The following USP14 variants were observed in gnomAD, a reference collection of about 807,000 sequenced individuals.
USP14 encodes ubiquitin specific peptidase 14.
A neutral mutation model predicts 76.5 loss-of-function variants in USP14; 38 were observed. The ratio of observed to expected loss-of-function variants is 0.50; its 90% CI spans 0.38 to 0.65. The LOEUF (loss-of-function observed/expected upper bound fraction) is 0.65, where lower values mean the gene tolerates loss of function less well. USP14 is among the 30% of genes least tolerant of loss of function. The probability of loss-of-function intolerance (pLI) is 0.00; values close to 1 mark genes in which losing one functional copy is unlikely to be tolerated. For synonymous variants in USP14, 192 were observed against 191.7 expected, an observed-to-expected ratio of 1.00 and a Z score of -0.01; for missense variants, 467 against 586.5, an observed-to-expected ratio of 0.80 and a Z score of 2.10.
intron 3 of USP14, among the ~76,000 whole-genome samples, chr18:178,073 G>A (rs1909677944): frequency 2.6e-5 from 4 of 152,148 alleles, no homozygotes; most frequent in African/African-American, 9.7e-5. Context: ...AGGCTGGAAT[G>A]CAAGTGGTGT....
intron 2 of USP14, 112 bp from the exon 3 acceptor site, chr18:166,675 C>A: frequency 2.4e-6 from 3 of 1,272,612 alleles, no homozygotes; most frequent in Non-Finnish European, 2.1e-6. Context: ...ATAAAATCTG[C>A]ATATAGGATA....
chr18:198,172 T>C (rs756081649), intron 9 of USP14, 40 bp downstream of exon 9: 8 of 1,495,074 alleles, frequency 5.4e-6, no homozygotes, highest in Non-Finnish European at 7.2e-6. Context: ...ACTCATACCT[T>C]ATTAGAATTG....
chr18:166,358 A>T (rs1260424673), intron 2 of USP14, among the ~76,000 whole-genome samples: 1 of 151,994 alleles, frequency 6.6e-6, no homozygotes, highest in Non-Finnish European at 1.5e-5. Flanking sequence ...TTTGAGATGG[A>T]GCCTTGTTCT....
intron 3 of USP14, among the ~76,000 whole-genome samples, chr18:169,285 T>C (rs990015634): frequency 3.4e-5 from 5 of 147,598 alleles, no homozygotes; most frequent in African/African-American, 1.3e-4. Context: ...TGCTTGACTT[T>C]GGGAGGCGGA....
chr18:159,290 T>C lies in USP14; in HGVS notation c.16+576T>C, dbSNP rs117584140. 7.2e-3 allele frequency among the ~76,000 whole-genome samples: 1,096 copies of C among 152,324 alleles called. 4 individuals are homozygous for C. Among genetic ancestry groups the C allele is most frequent in the South Asian group, 0.012 (60 of 4,822 alleles). On this transcript the variant is annotated intron_variant, in intron 1 of 15. Coordinates refer to ENST00000261601, the MANE Select transcript of USP14 (RefSeq NM_005151.4). Reference sequence around the variant, plus strand: ...CGTTTTCGTTTCATCAAACGTTGCATTGGATTTCTGTATCCGAAACGTGGT... The same window carrying C: ...CGTTTTCGTTTCATCAAACGTTGCACTGGATTTCTGTATCCGAAACGTGGT...
intron 1 of USP14, among the ~76,000 whole-genome samples, chr18:160,949 C>T (rs1430027440): frequency 6.6e-6 from 1 of 151,664 alleles, no homozygotes; most frequent in East Asian, 1.9e-4. Context: ...TTTTTTGAGA[C>T]CAAGTTTTGC....
chr18:188,495 G>C (rs895903097), intron 5 of USP14, among the ~76,000 whole-genome samples: 3 of 142,384 alleles, frequency 2.1e-5, no homozygotes, highest in African/African-American at 7.7e-5. Context: ...ATAGCATTCT[G>C]TCTCCCTCTG....
chr18:208,330 G>A (rs1206928934), intron 13 of USP14, among the ~76,000 whole-genome samples: 1 of 152,104 alleles, frequency 6.6e-6, no homozygotes, highest in Admixed American at 6.5e-5. Flanking sequence ...TCTGTAGAGT[G>A]TTTAGTGAGT....
Position 158,747 on chromosome 18 carries a change from C to G in USP14, c.16+33C>G, listed in dbSNP as rs745840454. ...CTGTCCTGGCCTCGCGCGCAGCACA[C>G]CGGACCGGCGCTAGGCCTCCGCGTA... On this transcript the variant is annotated intron_variant, in intron 1 of 15. Coordinates refer to ENST00000261601, the MANE Select transcript of USP14 (RefSeq NM_005151.4). The G allele has an allele frequency of 4.2e-5, 62 of 1,476,812 alleles. 1 individual carries two copies. In the African/African-American group the frequency reaches 6.9e-4, roughly 16 times the overall value. The allele number at this position is 1,476,812 out of a possible 1,614,324, so 91.5% of individuals were successfully genotyped here. A position where few individuals can be genotyped will look rare whatever the true frequency, so the allele number is the denominator to read the frequency against.
chr18:159,506 C>T (rs116082797), intron 1 of USP14, among the ~76,000 whole-genome samples: 369 of 152,258 alleles, frequency 2.4e-3, no homozygotes, highest in African/African-American at 8.4e-3. Flanking sequence ...TGTGGTGTCT[C>T]CAATTGGCTG....
intron 15 of USP14, among the ~76,000 whole-genome samples, 194 bp from the exon 16 acceptor site, chr18:210,939 T>C (rs184168739): frequency 7.6e-4 from 116 of 152,270 alleles, no homozygotes; most frequent in African/African-American, 2.7e-3. Flanking sequence ...AGTGGTGTCA[T>C]TGAAGTAGTT....
chr18:209,828 T>C, intron 13 of USP14, 143 bp from the exon 14 acceptor site: 1 of 602,194 alleles, frequency 1.7e-6, no homozygotes, highest in East Asian at 3.0e-5. Context: ...TGTGGTTATA[T>C]CATTTTAGTA....
intron 3 of USP14, among the ~76,000 whole-genome samples, chr18:173,140 A>G (rs1488355341): frequency 7.6e-5 from 11 of 145,292 alleles, no homozygotes; most frequent in African/African-American, 2.6e-4. Context: ...ACGGAGTCTC[A>G]CCCTGTTGCC....
intron 5 of USP14, among the ~76,000 whole-genome samples, chr18:188,321 A>G (rs935104292): frequency 2.0e-5 from 3 of 152,004 alleles, no homozygotes; most frequent in African/African-American, 7.2e-5. Context: ...TAGTACTAAG[A>G]TTTTTCTCAC....
chr18:209,913 G>T (rs530437433), intron 13 of USP14, 58 bp from the exon 14 acceptor site: 64 of 1,350,660 alleles, frequency 4.7e-5, no homozygotes, highest in Non-Finnish European at 6.2e-5. Flanking sequence ...CACTTACAGA[G>T]AATTCAAATT....
intron 3 of USP14, among the ~76,000 whole-genome samples, chr18:168,219 C>T (rs935000905): frequency 2.0e-5 from 3 of 152,122 alleles, no homozygotes; most frequent in African/African-American, 7.2e-5. Context: ...AGCCACCGCA[C>T]CCGGCCAAAA....
chr18:158,850 G>A (rs1909030622), intron 1 of USP14, 136 bp downstream of exon 1: 1 of 1,234,288 alleles, frequency 8.1e-7, no homozygotes, highest in African/African-American at 1.6e-5. Flanking sequence ...GCGGCGCGGA[G>A]ATGACCCAGG....
At position 213,852 on chromosome 18, in the gene USP14, G is replaced by GTGAT. The variant is rs895749345; in HGVS notation, c.*2570_*2573dup. ...GTTGAATGTCACAAGAATCCCTGAA[G>GTGAT]TGATTAAAAGTCTTGAGAGGTCAGG... is the stretch of plus-strand genomic sequence containing the variant. On this transcript the variant is annotated 3_prime_UTR_variant, in exon 16 of 16. Coordinates refer to ENST00000261601, the MANE Select transcript of USP14 (RefSeq NM_005151.4). 17 of 152,204 alleles carry GTGAT rather than the reference G, an allele frequency of 1.1e-4. No individual in the cohort carries two copies. The highest frequency in any genetic ancestry group is 3.4e-4 in the African/African-American group (14 of 41,434). The allele number at this position is 152,204 out of a possible 1,614,324, so 9.4% of individuals were successfully genotyped here.
intron 3 of USP14, among the ~76,000 whole-genome samples, chr18:172,789 T>C (rs1568417285): frequency 6.6e-6 from 1 of 152,192 alleles, no homozygotes; most frequent in African/African-American, 2.4e-5. Context: ...TGTTGCATAC[T>C]TCACAGACTG....
Sources: allele counts gnomAD v4.1 joint callset (sites outside exome capture counted in the v4.1 genomes callset), GRCh38; gene constraint gnomAD v4.1.1; transcripts MANE v1.5; gene names NCBI Gene and HGNC (gene_info 2026-07-23, HGNC 2026-07-21).